KLHL1: variants seen among roughly 807,000 people sequenced by gnomAD.
KLHL1 encodes kelch-like protein 1.
KLHL1 carries 47 observed loss-of-function variants against 77.7 expected under a neutral mutation model. The observed-to-expected ratio is 0.60, with a 90% CI of 0.48 to 0.77. The LOEUF is 0.77. Among genes scored for constraint, KLHL1 ranks in the 30% least tolerant of loss-of-function variants. The probability of loss-of-function intolerance (pLI) is 0.00; values close to 1 mark genes in which losing one functional copy is unlikely to be tolerated. For synonymous variants in KLHL1, 360 were observed against 325.2 expected (o/e 1.11, Z -1.15); for missense variants, 925 against 910.8 (o/e 1.02, Z -0.20).
At chr13:69,978,555 T>C (rs1039084494) in intron 1 of KLHL1, among the ~76,000 whole-genome samples, 3 of 151,408 alleles carry the variant, frequency 2.0e-5, no homozygotes, top group Non-Finnish European at 4.4e-5. Flanking sequence ...TGCACGATCT[T>C]GGCTCACTGC....
Position 69,764,929 on chromosome 13 carries a change from C to CTTTTTTTTTTTTTT in KLHL1, c.1640-24387_1640-24374dup, listed in dbSNP as rs71196263. Among the ~76,000 whole-genome samples, 167 of 39,724 alleles carry CTTTTTTTTTTTTTT rather than the reference C, an allele frequency of 4.2e-3. 67 individuals are homozygous for CTTTTTTTTTTTTTT. Among genetic ancestry groups the CTTTTTTTTTTTTTT allele is most frequent in the Admixed American group, 6.4e-3 (14 of 2,174 alleles). The allele number at this position is 39,724 out of a possible 152,430, so 26.1% of individuals were successfully genotyped here. A position where few individuals can be genotyped will look rare whatever the true frequency, so the allele number is the denominator to read the frequency against. On this transcript the variant is annotated intron_variant, in intron 7 of 10. Transcript: ENST00000377844. ...TCTCATGCTTTCATGTATATCTTTGCTTTTTTTTTTTTTTTTTTTTTTTTT... is the reference window on the plus strand; with the variant it reads ...TCTCATGCTTTCATGTATATCTTTGCTTTTTTTTTTTTTTTTTTTTTTTTTTTTTTTTTTTTTTT...
At chr13:70,009,376 G>A (rs549580095) in intron 1 of KLHL1, among the ~76,000 whole-genome samples, 2 of 152,216 alleles carry the variant, frequency 1.3e-5, no homozygotes, top group South Asian at 4.1e-4. Context: ...CATAGGTAAA[G>A]GGCAGGGAAG....
intron 1 of KLHL1, among the ~76,000 whole-genome samples, chr13:70,059,885 AACTC>A (rs1465009717): frequency 5.9e-5 from 9 of 152,264 alleles, no homozygotes; most frequent in Non-Finnish European, 7.4e-5. Flanking sequence ...ATCTCATGAG[AACTC>A]ACTCACTATC....
At chr13:69,978,486 AT>A (rs1884612008) in intron 1 of KLHL1, among the ~76,000 whole-genome samples, 1 of 48,374 alleles carries the variant, frequency 2.1e-5, no homozygotes, top group African/African-American at 8.8e-5. Context: ...TCTGGTCAGA[AT>A]ATTTTTTTTT....
Position 70,052,880 on chromosome 13 carries a change from TTTA to T in KLHL1, c.497+54320_497+54322del, listed in dbSNP as rs376909230. Among the ~76,000 whole-genome samples the T allele has an allele frequency of 8.5e-5, 13 of 152,136 alleles. No individual in the cohort carries two copies. In the East Asian group the frequency reaches 1.9e-3, roughly 23 times the overall value. On this transcript the variant is annotated intron_variant, in intron 1 of 10. Coordinates refer to ENST00000377844, the MANE Select transcript of KLHL1 (RefSeq NM_020866.3). The stretch of plus-strand genomic sequence containing the variant: ...ATTTTGAATATTATCTTCTAAATAA[TTTA>T]TTATTTTATTCCTTACATTGATATC...
rs139473734 is a variant in KLHL1, at chr13:69,899,296, T to C, written c.1015-16801A>G. On this transcript the variant is annotated intron_variant, in intron 4 of 10. Coordinates refer to ENST00000377844, the MANE Select transcript of KLHL1 (RefSeq NM_020866.3). ...CTTCCCTGAAGTGTGCACAATATGA[T>C]GTGCAAATCAGTTAGTTCTGGAAGT... is the stretch of plus-strand genomic sequence containing the variant. Among the ~76,000 whole-genome samples, 296 of 152,244 alleles carry C rather than the reference T, an allele frequency of 1.9e-3. 2 individuals carry two copies. The highest frequency in any genetic ancestry group is 0.014 in the Middle Eastern group (4 of 294).
rs555713863 is a variant in KLHL1 at position 69,959,409 on chromosome 13, G to C, written c.817+1899C>G. ...ATTATCCTGGCTACCTCTTGGCTCA[G>C]AGGTAAATATTCCTCCATATGACTG... is the stretch of plus-strand genomic sequence containing the variant. On this transcript the variant is annotated intron_variant, in intron 3 of 10. Coordinates refer to ENST00000377844, the MANE Select transcript of KLHL1 (RefSeq NM_020866.3). Among the ~76,000 whole-genome samples the C allele has an allele frequency of 1.1e-4, 16 of 151,914 alleles. No homozygotes were observed. The East Asian group carries it at 3.1e-3, about 30-fold the overall frequency.
chr13:69,768,898 T>C lies in KLHL1; in HGVS notation c.1639+27840A>G, dbSNP rs965554149. On this transcript the variant is annotated intron_variant, in intron 7 of 10. Coordinates refer to ENST00000377844, the MANE Select transcript of KLHL1 (RefSeq NM_020866.3). ...TACATGGAACTAACATTCTTTTTAA[T>C]GTTTCGATTTATGATTTTATACCAT... is the stretch of plus-strand genomic sequence containing the variant. Among the ~76,000 whole-genome samples, 15 of 152,178 alleles carry C rather than the reference T, an allele frequency of 9.9e-5. 1 individual carries two copies. The highest frequency in any genetic ancestry group is 9.8e-4 in the Admixed American group (15 of 15,264).
intron 6 of KLHL1, among the ~76,000 whole-genome samples, chr13:69,814,146 A>C (rs1470080787): frequency 1.3e-5 from 2 of 152,210 alleles, no homozygotes; most frequent in Non-Finnish European, 2.9e-5. Context: ...CAATAGGGAA[A>C]GAATACCCTA....
chr13:69,712,425 A>G (rs1446606734), intron 9 of KLHL1, among the ~76,000 whole-genome samples: 1 of 152,032 alleles, frequency 6.6e-6, no homozygotes, highest in Non-Finnish European at 1.5e-5. Context: ...ACCCAGCCAC[A>G]TTTGTCATAC....
chr13:70,098,361 G>A (rs1455516459), intron 1 of KLHL1, among the ~76,000 whole-genome samples: 3 of 151,738 alleles, frequency 2.0e-5, no homozygotes, highest in South Asian at 2.1e-4. Flanking sequence ...TGTTCCCTGT[G>A]TAATTTGCAT....
chr13:69,832,356 C>T (rs1247974746), intron 6 of KLHL1, among the ~76,000 whole-genome samples: 2 of 149,234 alleles, frequency 1.3e-5, no homozygotes, highest in Non-Finnish European at 3.0e-5. Flanking sequence ...AAAATAGCTG[C>T]CAAAAAATAA....
chr13:70,068,250 A>T (rs937030914), intron 1 of KLHL1, among the ~76,000 whole-genome samples: 14 of 152,088 alleles, frequency 9.2e-5, no homozygotes, highest in African/African-American at 2.9e-4. Context: ...CTGAGGCAGG[A>T]GAATGGCGTG....
At chr13:69,941,097 C>A (rs1378768391) in intron 3 of KLHL1, among the ~76,000 whole-genome samples, 3 of 151,760 alleles carry the variant, frequency 2.0e-5, no homozygotes, top group Non-Finnish European at 4.4e-5. Context: ...CTAAACTATA[C>A]CCTAAAACAA....
In KLHL1 at chr13:70,056,891, G is replaced by A. The variant is rs76111080; in HGVS notation, c.497+50312C>T. Among the ~76,000 whole-genome samples, 1,091 of 151,868 alleles carry A rather than the reference G, an allele frequency of 7.2e-3. 8 individuals are homozygous for A. The highest frequency in any genetic ancestry group is 0.025 in the African/African-American group (1,048 of 41,460). ...AAGGAAAAAAACAAAACAACTTATC[G>A]GTTCATTTTAAAGAACTAGAAAATG... is the stretch of plus-strand genomic sequence containing the variant. On this transcript the variant is annotated intron_variant, in intron 1 of 10. Coordinates refer to ENST00000377844, the MANE Select transcript of KLHL1 (RefSeq NM_020866.3).
At chr13:69,714,136 G>A (rs1876003299) in intron 9 of KLHL1, among the ~76,000 whole-genome samples, 1 of 152,050 alleles carries the variant, frequency 6.6e-6, no homozygotes, top group African/African-American at 2.4e-5. Context: ...ATAAATTTCT[G>A]CTTCCCTTCT....
At chr13:69,926,704 T>A (rs947535989) in intron 4 of KLHL1, among the ~76,000 whole-genome samples, 7 of 151,730 alleles carry the variant, frequency 4.6e-5, no homozygotes, top group Admixed American at 6.6e-5. Flanking sequence ...TCCCAGCACT[T>A]TGGGAGGCTG....
chr13:69,929,342 G>A (rs560739452), intron 4 of KLHL1, among the ~76,000 whole-genome samples: 1 of 151,984 alleles, frequency 6.6e-6, no homozygotes, highest in African/African-American at 2.4e-5. Flanking sequence ...AATCTCAAAC[G>A]CCTTCAGTAA....
rs776063560 is a variant in KLHL1, at chr13:69,762,111, G to GA, written c.1640-21556dup. Among the ~76,000 whole-genome samples the GA allele has an allele frequency of 4.6e-5, 7 of 152,234 alleles. No individual in the cohort carries two copies. In the East Asian group the frequency reaches 5.8e-4, roughly 13 times the overall value. The stretch of plus-strand genomic sequence containing the variant: ...GCTAACAGTAGCTAAAAGGTTATCA[G>GA]AAAATACGTTTCCCTCATGGGGCAT... On this transcript the variant is annotated intron_variant, in intron 7 of 10. Transcript: ENST00000377844.
Sources: gnomAD v4.1 joint callset for allele counts (sites outside exome capture counted in the v4.1 genomes callset) on GRCh38, gnomAD v4.1.1 for gene constraint, MANE v1.5 for transcripts, NCBI Gene and HGNC (gene_info 2026-07-23, HGNC 2026-07-21) for gene names.